The following COL28A1 variants were observed in gnomAD, a reference collection of about 807,000 sequenced individuals.
COL28A1 encodes the protein collagen alpha-1(XXVIII) chain.
A neutral mutation model predicts 150.2 loss-of-function variants in COL28A1; 161 were observed. That is an observed-to-expected ratio of 1.07 (90% CI 0.94 to 1.22). The LOEUF (loss-of-function observed/expected upper bound fraction) is 1.22. Among genes scored for constraint, COL28A1 ranks in the 50% most tolerant of loss-of-function variants. The pLI is 0.00. For missense variants in COL28A1, 1,617 were observed against 1,388.3 expected, an observed-to-expected ratio of 1.16 and a Z score of -2.62; for synonymous variants, 552 against 469.7, an observed-to-expected ratio of 1.18 and a Z score of -2.26.
At chr7:7,513,748 A>G (rs1378496120) in intron 8 of COL28A1, among the ~76,000 whole-genome samples, 1 of 152,244 alleles carries the variant, frequency 6.6e-6, no homozygotes, top group Non-Finnish European at 1.5e-5. Context: ...CCATTTGTCC[A>G]GACAGATTTG....
At chr7:7,468,569 A>G (rs1268469240) in intron 15 of COL28A1, among the ~76,000 whole-genome samples, 1 of 59,400 alleles carries the variant, frequency 1.7e-5, no homozygotes, top group Non-Finnish European at 3.0e-5. Flanking sequence ...AACTATTCCA[A>G]TCAATAGAAA....
Position 7,532,736 on chromosome 7 carries a change from AT to A in COL28A1, c.124+15del, listed in dbSNP as rs60871237. On this transcript the variant is annotated intron_variant, in intron 2 of 34. Coordinates refer to ENST00000399429, the MANE Select transcript of COL28A1 (RefSeq NM_001037763.3). ...AACAGGCTAAACTTAAAAACAAACA[AT>A]TTTTTTTTTTTTACCCTGGACATCA... 74,055 of 883,764 alleles carry A rather than the reference AT, an allele frequency of 0.084. 4 individuals are homozygous for A. The highest frequency in any genetic ancestry group is 0.15 in the South Asian group (7,498 of 49,696). 54.7% of individuals were successfully genotyped at this position (883,764 alleles called of 1,614,324 possible).
At chr7:7,433,750 A>G (rs1436076809) in intron 23 of COL28A1, among the ~76,000 whole-genome samples, 1 of 151,784 alleles carries the variant, frequency 6.6e-6, no homozygotes, top group Non-Finnish European at 1.5e-5. Flanking sequence ...TCTGTTGTTG[A>G]TGACTCTTAC....
intron 33 of COL28A1, among the ~76,000 whole-genome samples, chr7:7,365,923 C>T (rs1780911335): frequency 1.3e-5 from 2 of 152,124 alleles, no homozygotes; most frequent in African/African-American, 4.8e-5. Flanking sequence ...CTGAAGGTTA[C>T]TTATTTGCAT....
intron 11 of COL28A1, among the ~76,000 whole-genome samples, chr7:7,491,710 A>G (rs1306919456): frequency 6.6e-6 from 1 of 152,228 alleles, no homozygotes; most frequent in African/African-American, 2.4e-5. Context: ...TGGCCAGCCC[A>G]AACTCACACC....
chr7:7,455,101 T>A (rs1257752223), intron 16 of COL28A1, among the ~76,000 whole-genome samples: 1 of 152,228 alleles, frequency 6.6e-6, no homozygotes, highest in Non-Finnish European at 1.5e-5. Flanking sequence ...TCTCATTTTT[T>A]AAATTCTTCC....
intron 11 of COL28A1, among the ~76,000 whole-genome samples, chr7:7,496,625 C>T (rs1003540477): frequency 5.8e-4 from 88 of 152,226 alleles, no homozygotes; most frequent in African/African-American, 1.8e-3. Context: ...ACTAACACTC[C>T]GTATCCCTGG....
intron 13 of COL28A1, among the ~76,000 whole-genome samples, chr7:7,478,995 A>T (rs1361171720): frequency 6.6e-6 from 1 of 152,222 alleles, no homozygotes; most frequent in Non-Finnish European, 1.5e-5. Flanking sequence ...CCCACAGTGC[A>T]GCGGTGGGCT....
intron 24 of COL28A1, 21 bp from the exon 25 acceptor site, chr7:7,432,562 AG>A (rs775713548): frequency 3.2e-5 from 51 of 1,613,346 alleles, no homozygotes; most frequent in Admixed American, 1.7e-5. Context: ...ACAGTAAGGG[AG>A]GGAGTGAGCA....
chr7:7,463,515 A>T (rs1210033037), intron 15 of COL28A1, among the ~76,000 whole-genome samples: 20 of 152,138 alleles, frequency 1.3e-4, no homozygotes, highest in Non-Finnish European at 1.5e-5. Context: ...GGGTCCTATC[A>T]TCAGCCTCCT....
intron 27 of COL28A1, among the ~76,000 whole-genome samples, chr7:7,394,371 T>C (rs965989967): frequency 1.3e-5 from 2 of 152,196 alleles, no homozygotes; most frequent in Admixed American, 1.3e-4. Flanking sequence ...CCAGAGCTGT[T>C]CCTATTCAGC....
At position 7,535,743 on chromosome 7, in the gene COL28A1, G is replaced by A. The variant is rs947677804; in HGVS notation, c.-38+7C>T. 6.6e-6 allele frequency: 1 copy of A among 152,136 alleles called. No individual in the cohort carries two copies. Among genetic ancestry groups the A allele is most frequent in the African/African-American group, 2.4e-5 (1 of 41,426 alleles). 9.4% of individuals were successfully genotyped at this position (152,136 alleles called of 1,614,324 possible). A position where few individuals can be genotyped will look rare whatever the true frequency, so the allele number is the denominator to read the frequency against. On this transcript the variant is annotated splice_region_variant and intron_variant, in intron 1 of 34. Transcript: ENST00000399429. ...CAAGTGACTAAAATAAATCTGTTAT[G>A]TCTTACCTTATAAAGTTTGTCAAAC...
chr7:7,490,465 G>T lies in COL28A1; in HGVS notation c.1095+113C>A, dbSNP rs1292475043. 7.8e-6 allele frequency: 4 copies of T among 515,740 alleles called. No individual in the cohort carries two copies. The East Asian group carries it at 1.3e-4, about 17-fold the overall frequency. 31.9% of individuals were successfully genotyped at this position (515,740 alleles called of 1,614,324 possible). On this transcript the variant is annotated intron_variant, in intron 12 of 34. Transcript: ENST00000399429. ...AGCACATAAAATGAAGTAACTTCAGGAAGCCTCCTTGTGTCTATTGGATTT... is the reference window on the plus strand; with the variant it reads ...AGCACATAAAATGAAGTAACTTCAGTAAGCCTCCTTGTGTCTATTGGATTT...
At chr7:7,540,117 A>G (rs1213206061), upstream of COL28A1, among the ~76,000 whole-genome samples, 1 of 152,204 alleles carries the variant, frequency 6.6e-6, no homozygotes, top group Non-Finnish European at 1.5e-5. Flanking sequence ...TTTTCTAAGA[A>G]ATATCTGAAA....
chr7:7,427,080 G>A (rs1784682108), intron 25 of COL28A1, among the ~76,000 whole-genome samples: 1 of 152,164 alleles, frequency 6.6e-6, no homozygotes, highest in Non-Finnish European at 1.5e-5. Flanking sequence ...ATACTCATAA[G>A]AAGAGAAATA....
the COL28A1 span, among the ~76,000 whole-genome samples, chr7:7,345,991 A>C: frequency 6.6e-6 from 1 of 151,872 alleles, no homozygotes; most frequent in African/African-American, 2.4e-5. Context: ...TGCAGTCATT[A>C]TTTTTTTGGT....
chr7:7,405,149 G>C (rs900851378), intron 27 of COL28A1, among the ~76,000 whole-genome samples: 2 of 152,186 alleles, frequency 1.3e-5, no homozygotes, highest in African/African-American at 4.8e-5. Flanking sequence ...TAAGCAGAAA[G>C]AAGATCTGAT....
At chr7:7,471,337 G>C (rs574178649) in intron 15 of COL28A1, among the ~76,000 whole-genome samples, 51 of 152,116 alleles carry the variant, frequency 3.4e-4, no homozygotes, top group African/African-American at 1.2e-3. Flanking sequence ...CCACAAGATA[G>C]AGAAAAAGGG....
At chr7:7,496,860 G>A (rs1376331588) in intron 11 of COL28A1, among the ~76,000 whole-genome samples, 1 of 152,014 alleles carries the variant, frequency 6.6e-6, no homozygotes, top group Non-Finnish European at 1.5e-5. Flanking sequence ...AAGTTTTATT[G>A]CAAATATTCT....
Sources: allele counts gnomAD v4.1 joint callset (sites outside exome capture counted in the v4.1 genomes callset), GRCh38; gene constraint gnomAD v4.1.1; transcripts MANE v1.5; gene names NCBI Gene and HGNC (gene_info 2026-07-23, HGNC 2026-07-21).